The following PHACTR2 variants were observed in gnomAD, a reference collection of about 807,000 sequenced individuals.
The protein encoded by PHACTR2 is phosphatase and actin regulator 2.
PHACTR2 carries 30 observed loss-of-function variants against 76.0 expected under a neutral mutation model. That is an observed-to-expected ratio of 0.39 (90% CI 0.30 to 0.54). The LOEUF is 0.54. Among genes scored for constraint, PHACTR2 ranks in the 20% least tolerant of loss-of-function variants. PHACTR2 has a pLI of 0.61. For synonymous variants in PHACTR2, 292 were observed against 292.5 expected, an observed-to-expected ratio of 1.00 and a Z score of 0.02; for missense variants, 696 against 781.1, an observed-to-expected ratio of 0.89 and a Z score of 1.30.
chr6:143,703,069 G>T (rs942782157), intron 1 of PHACTR2, among the ~76,000 whole-genome samples: 6 of 151,308 alleles, frequency 4.0e-5, no homozygotes, highest in Admixed American at 6.6e-5. Flanking sequence ...AGCACTTTGG[G>T]AGGCCCAGGC....
intron 1 of PHACTR2, among the ~76,000 whole-genome samples, chr6:143,660,594 A>G (rs962459907): frequency 4.6e-5 from 7 of 152,186 alleles, no homozygotes; most frequent in African/African-American, 1.7e-4. Flanking sequence ...TCATTCATTC[A>G]TGTATAAAAC....
At position 143,652,825 on chromosome 6, in the gene PHACTR2, A is replaced by G. The variant is rs1013623865; in HGVS notation, c.13+44503A>G. Among the ~76,000 whole-genome samples, 5 of 152,212 alleles carry G rather than the reference A, an allele frequency of 3.3e-5. No homozygotes were observed. Among genetic ancestry groups the G allele is most frequent in the African/African-American group, 1.2e-4 (5 of 41,448 alleles). ...CTCTGGTCATGTGTGTGTGTGATCT[A>G]TAATAGGGTCACAGCTTTATGAAAT... On this transcript the variant is annotated intron_variant, in intron 1 of 11. Coordinates refer to the PHACTR2 transcript ENST00000305766. This position sits in a 1 kb window ranked among gnomAD's most constrained non-coding sequence, Gnocchi z 4.5.
chr6:143,634,776 T>TTGCTCACC (rs59333187), intron 1 of PHACTR2, among the ~76,000 whole-genome samples: 58,060 of 151,548 alleles, frequency 0.38, 12,106 homozygotes, highest in Non-Finnish European at 0.48. Context: ...CCACAAATAT[T>TTGCTCACC]TGCTCACCGT....
chr6:143,624,298 G>T lies in PHACTR2; in HGVS notation c.13+15976G>T, dbSNP rs913722382. Reference sequence around the variant, plus strand: ...ATTTTTGTATTTTTAGGCGAGACAGGGTTTCCCCCTGTTGGCCAGGCTGGT... The same window carrying T: ...ATTTTTGTATTTTTAGGCGAGACAGTGTTTCCCCCTGTTGGCCAGGCTGGT... On this transcript the variant is annotated intron_variant, in intron 1 of 11. Coordinates refer to the PHACTR2 transcript ENST00000305766. This position sits in a 1 kb window ranked among gnomAD's most constrained non-coding sequence, Gnocchi z 4.6. Among the ~76,000 whole-genome samples the T allele has an allele frequency of 6.6e-6, 1 of 152,034 alleles. No individual in the cohort carries two copies. Among genetic ancestry groups the T allele is most frequent in the African/African-American group, 2.4e-5 (1 of 41,376 alleles).
At position 143,753,316 on chromosome 6, in the gene PHACTR2, A is replaced by G. The variant is rs375202350; in HGVS notation, c.296-438A>G. Among the ~76,000 whole-genome samples, 22 of 152,136 alleles carry G rather than the reference A, an allele frequency of 1.4e-4. No homozygotes were observed. The highest frequency in any genetic ancestry group is 5.1e-4 in the African/African-American group (21 of 41,440). ...TCATATTCTCCCACTTATTGTTTGT[A>G]TGTGTAATTACATTTCATGTTATTT... is the stretch of plus-strand genomic sequence containing the variant. On this transcript the variant is annotated intron_variant, in intron 3 of 12. Transcript: ENST00000440869. This position sits in a 1 kb window ranked among gnomAD's most constrained non-coding sequence, Gnocchi z 4.6.
rs561157056 is a variant in PHACTR2 at position 143,541,978 on chromosome 6, G to A, written c.217+4771G>A. Among the ~76,000 whole-genome samples the A allele has an allele frequency of 1.3e-5, 2 of 152,328 alleles. No individual in the cohort carries two copies. Among genetic ancestry groups the A allele is most frequent in the East Asian group, 1.9e-4 (1 of 5,184 alleles). On this transcript the variant is annotated intron_variant, in intron 1 of 11. Transcript: ENST00000367584. The surrounding 1 kb of genome is among the most constrained non-coding windows in gnomAD (Gnocchi z 5.3). The stretch of plus-strand genomic sequence containing the variant: ...CTAAGCTGGAGGTGCCCTAGGCCAG[G>A]AACAATGAACACCTGCTCACTTTAC...
chr6:143,780,370 G>T lies in PHACTR2; in HGVS notation c.1646-2849G>T, dbSNP rs1775398493. 6.6e-6 allele frequency among the ~76,000 whole-genome samples: 1 copy of T among 152,036 alleles called. No homozygotes were observed. The highest frequency in any genetic ancestry group is 2.4e-5 in the African/African-American group (1 of 41,372). On this transcript the variant is annotated intron_variant, in intron 9 of 12. Transcript: ENST00000440869. This position sits in a 1 kb window ranked among gnomAD's most constrained non-coding sequence, Gnocchi z 4.4. ...CTTATGCCTGTAATCCCAAAGCCTT[G>T]TGAGGCCAAGGCAGGAGAATTGCTT...
intron 1 of PHACTR2, among the ~76,000 whole-genome samples, chr6:143,612,819 G>GC (rs11449477): frequency 0.58 from 87,304 of 151,734 alleles, 26,560 homozygotes; most frequent in Middle Eastern, 0.71. Flanking sequence ...CCTCTGAAAT[G>GC]CCTTTATGTT....
At chr6:143,563,556 A>AAAAAAAAAC (rs759770776) in intron 1 of PHACTR2, among the ~76,000 whole-genome samples, 60 of 128,902 alleles carry the variant, frequency 4.7e-4, no homozygotes, top group South Asian at 1.9e-3. Flanking sequence ...CGTCTCAAAA[A>AAAAAAAAAC]AAAAAAAAAA....
In PHACTR2 at chr6:143,637,939, G is replaced by T. The variant is rs186988619; in HGVS notation, c.13+29617G>T. On this transcript the variant is annotated intron_variant, in intron 1 of 11. Transcript: ENST00000305766. ...GGTCCCACCCATACTTAAAGGGAGAGGATTACACAAAGGCTTGAACACCAG... is the reference window on the plus strand; with the variant it reads ...GGTCCCACCCATACTTAAAGGGAGATGATTACACAAAGGCTTGAACACCAG... Among the ~76,000 whole-genome samples the T allele has an allele frequency of 2.1e-3, 325 of 152,306 alleles. 4 individuals carry two copies. The highest frequency in any genetic ancestry group is 1.5e-3 in the Non-Finnish European group (104 of 68,028).
In PHACTR2 at chr6:143,627,879, C is replaced by T. The variant is rs1333456022; in HGVS notation, c.13+19557C>T. Among the ~76,000 whole-genome samples, 4 of 152,068 alleles carry T rather than the reference C, an allele frequency of 2.6e-5. No homozygotes were observed. The highest frequency in any genetic ancestry group is 5.9e-5 in the Non-Finnish European group (4 of 67,998). ...GCCTCCCAAAGTACAACCACCACTT[C>T]TATCTGGTTCCAAAGCCTTTTCATC... On this transcript the variant is annotated intron_variant, in intron 1 of 11. Transcript: ENST00000305766. The surrounding 1 kb of genome is among the most constrained non-coding windows in gnomAD (Gnocchi z 4.3).
chr6:143,755,777 C>T lies in PHACTR2; in HGVS notation c.454+1865C>T, dbSNP rs1029288536. 6.6e-6 allele frequency among the ~76,000 whole-genome samples: 1 copy of T among 152,046 alleles called. No individual in the cohort carries two copies. Among genetic ancestry groups the T allele is most frequent in the African/African-American group, 2.4e-5 (1 of 41,400 alleles). On this transcript the variant is annotated intron_variant, in intron 4 of 12. Transcript: ENST00000440869. The surrounding 1 kb of genome is among the most constrained non-coding windows in gnomAD (Gnocchi z 5.2). ...GAAGCGCTAGGTATAGAAGCCACTT[C>T]GTGAGACTGAAAAGAATGTCACGCA...
In PHACTR2 at chr6:143,624,753, G is replaced by A. The variant is rs1776224982; in HGVS notation, c.13+16431G>A. Among the ~76,000 whole-genome samples, 1 of 152,074 alleles carries A rather than the reference G, an allele frequency of 6.6e-6. No individual in the cohort carries two copies. Among genetic ancestry groups the A allele is most frequent in the South Asian group, 2.1e-4 (1 of 4,828 alleles). ...CTGAGGTGGTTACTAGAGAGGCTGA[G>A]TGTGTAAAGGCTTGGCCAGGATGGT... On this transcript the variant is annotated intron_variant, in intron 1 of 11. Coordinates refer to the PHACTR2 transcript ENST00000305766. This position sits in a 1 kb window ranked among gnomAD's most constrained non-coding sequence, Gnocchi z 4.6.
In PHACTR2 at chr6:143,557,707, G is replaced by A. The variant is rs951162194; in HGVS notation, c.217+20500G>A. On this transcript the variant is annotated intron_variant, in intron 1 of 11. Coordinates refer to the PHACTR2 transcript ENST00000367584. The surrounding 1 kb of genome is among the most constrained non-coding windows in gnomAD (Gnocchi z 5.5). Reference sequence around the variant, plus strand: ...GAGTCCTAGAGGCAACCAGTTCCTTGCGTACCCCACCCTCCTTCGTCAGCA... The same window carrying A: ...GAGTCCTAGAGGCAACCAGTTCCTTACGTACCCCACCCTCCTTCGTCAGCA... 2 of 152,114 alleles carry A rather than the reference G, an allele frequency of 1.3e-5. No homozygotes were observed. The highest frequency in any genetic ancestry group is 2.9e-5 in the Non-Finnish European group (2 of 68,062). 9.4% of individuals were successfully genotyped at this position (152,114 alleles called of 1,614,324 possible).
In PHACTR2 at chr6:143,830,658, T is replaced by C. The variant is rs1337902407; in HGVS notation, c.*6969T>C. The C allele has an allele frequency of 6.6e-6, 1 of 152,228 alleles. No individual in the cohort carries two copies. The highest frequency in any genetic ancestry group is 1.5e-5 in the Non-Finnish European group (1 of 68,020). The allele number at this position is 152,228 out of a possible 1,614,324, so 9.4% of individuals were successfully genotyped here. A position where few individuals can be genotyped will look rare whatever the true frequency, so the allele number is the denominator to read the frequency against. On this transcript the variant is annotated 3_prime_UTR_variant, in exon 13 of 13. Transcript: ENST00000440869. ...TTTTAATTCCGTACTGGTATTTGTG[T>C]TATTTAAAAAGCAAAATTCTGCTCT... is the stretch of plus-strand genomic sequence containing the variant.
intron 1 of PHACTR2, among the ~76,000 whole-genome samples, chr6:143,576,227 C>A (rs1437950476): frequency 6.6e-6 from 1 of 152,162 alleles, no homozygotes; most frequent in African/African-American, 2.4e-5. Flanking sequence ...TTATATAACA[C>A]CCAGGGGACA....
rs958434448 is a variant in PHACTR2 at position 143,751,117 on chromosome 6, C to A, written c.295+2052C>A. 7.2e-5 allele frequency among the ~76,000 whole-genome samples: 11 copies of A among 152,174 alleles called. No individual in the cohort carries two copies. The highest frequency in any genetic ancestry group is 1.5e-4 in the Non-Finnish European group (10 of 68,046). The stretch of plus-strand genomic sequence containing the variant: ...CTCCTTTCTGCTGCCAGTGAAGATT[C>A]ATTGTTTGCCTTGATCTTCTTGACC... On this transcript the variant is annotated intron_variant, in intron 3 of 12. Transcript: ENST00000440869. The surrounding 1 kb of genome is among the most constrained non-coding windows in gnomAD (Gnocchi z 5.7).
At chr6:143,660,081 A>G (rs956525686) in intron 1 of PHACTR2, among the ~76,000 whole-genome samples, 2 of 152,164 alleles carry the variant, frequency 1.3e-5, no homozygotes, top group African/African-American at 4.8e-5. Flanking sequence ...ATGGTGTTCT[A>G]TTGACAATAC....
rs1295607211 is a variant in PHACTR2, at chr6:143,599,878, A to G, written c.217+62671A>G. Among the ~76,000 whole-genome samples, 1 of 152,186 alleles carries G rather than the reference A, an allele frequency of 6.6e-6. No individual in the cohort carries two copies. The highest frequency in any genetic ancestry group is 1.9e-4 in the East Asian group (1 of 5,186). ...CAGGCCATGTAAGTGTGTGTAGCTC[A>G]ATGTGAGACAATTGGGAGTGGTGGA... On this transcript the variant is annotated intron_variant, in intron 1 of 11. Transcript: ENST00000367584. The surrounding 1 kb of genome is among the most constrained non-coding windows in gnomAD (Gnocchi z 4.6).
Sources: gnomAD v4.1 joint callset for allele counts (sites outside exome capture counted in the v4.1 genomes callset) on GRCh38, gnomAD v4.1.1 for gene constraint, Gnocchi (gnomAD v3.1) non-coding constraint, MANE v1.5 for transcripts, NCBI Gene and HGNC (gene_info 2026-07-23, HGNC 2026-07-21) for gene names.